The following MBNL1 variants were observed in gnomAD, a reference collection of about 807,000 sequenced individuals.
MBNL1 encodes muscleblind like splicing regulator 1.
MBNL1 carries 8 observed loss-of-function variants against 42.2 expected under a neutral mutation model. The ratio of observed to expected loss-of-function variants is 0.19; its 90% CI spans 0.11 to 0.34. The LOEUF (loss-of-function observed/expected upper bound fraction) is 0.34, where lower values mean the gene tolerates loss of function less well. Among genes scored for constraint, MBNL1 ranks in the 10% least tolerant of loss-of-function variants. MBNL1 has a pLI of 1.00. For missense variants in MBNL1, 309 were observed against 495.3 expected (o/e 0.62, Z 3.57); for synonymous variants, 169 against 173.9 (o/e 0.97, Z 0.22).
chr3:152,418,198 C>T (rs1440175023), intron 3 of MBNL1, among the ~76,000 whole-genome samples: 1 of 152,120 alleles, frequency 6.6e-6, no homozygotes, highest in Non-Finnish European at 1.5e-5. Context: ...TAATGTTACC[C>T]TAAATTTAGA....
chr3:152,418,630 AAGAGAGAG>A (rs770781244), intron 3 of MBNL1, among the ~76,000 whole-genome samples: 1 of 145,428 alleles, frequency 6.9e-6, no homozygotes, highest in South Asian at 2.2e-4. Context: ...AAAAAAAAAA[AAGAGAGAG>A]AGAGAGAGAG....
intron 2 of MBNL1, among the ~76,000 whole-genome samples, chr3:152,357,353 G>A (rs1322741867): frequency 6.6e-6 from 1 of 152,112 alleles, no homozygotes; most frequent in Non-Finnish European, 1.5e-5. Context: ...TTTTCTTATC[G>A]CTAAAACAAA....
rs1401757625 is a variant in MBNL1, at chr3:152,465,527, C to T, written c.*3161C>T. 1 of 152,616 alleles carries T rather than the reference C, an allele frequency of 6.6e-6. No individual in the cohort carries two copies. The highest frequency in any genetic ancestry group is 2.4e-5 in the African/African-American group (1 of 41,452). 9.5% of individuals were successfully genotyped at this position (152,616 alleles called of 1,614,324 possible). A position where few individuals can be genotyped will look rare whatever the true frequency, so the allele number is the denominator to read the frequency against. On this transcript the variant is annotated 3_prime_UTR_variant, in exon 10 of 10. Coordinates refer to ENST00000324210, the MANE Select transcript of MBNL1 (RefSeq NM_021038.5). ...TGTTTAAAAGAATTAGTGTATCCAG[C>T]CTTCACTCCAGCTGGTTAAAAATGT...
At chr3:152,267,934 C>G (rs1265303974), upstream of MBNL1, 1 of 152,212 alleles carries the variant, frequency 6.6e-6, no homozygotes, top group Non-Finnish European at 1.5e-5. Context: ...CATCCTTGAA[C>G]AAGTTATCCG....
chr3:152,300,142 G>C lies in MBNL1; in HGVS notation c.-52G>C. ...TTTGGTTGTTGCTCTTTTTTGGGGG[G>C]GTTGGGTTTGTTGGTTTCACTGAAA... On this transcript the variant is annotated 5_prime_UTR_variant, in exon 2 of 10. Coordinates refer to ENST00000324210, the MANE Select transcript of MBNL1 (RefSeq NM_021038.5). The C allele has an allele frequency of 8.0e-7, 1 of 1,246,486 alleles. No homozygotes were observed. Among genetic ancestry groups the C allele is most frequent in the Non-Finnish European group, 1.1e-6 (1 of 898,908 alleles). The allele number at this position is 1,246,486 out of a possible 1,614,324, so 77.2% of individuals were successfully genotyped here.
At chr3:152,268,808 A>G (rs1442041703), upstream of MBNL1, 10 of 444,158 alleles carry the variant, frequency 2.3e-5, no homozygotes, top group Non-Finnish European at 3.6e-5. Context: ...CGCCGCGTGC[A>G]TTAGGAGCTC....
chr3:152,245,650 C>T (rs902801633), intron 2 of MBNL1, among the ~76,000 whole-genome samples: 6 of 152,184 alleles, frequency 3.9e-5, no homozygotes, highest in African/African-American at 9.6e-5. Flanking sequence ...GTAAATGGTG[C>T]TGTTATTACT....
At chr3:152,305,261 C>G (rs2062465048) in intron 2 of MBNL1, among the ~76,000 whole-genome samples, 1 of 152,118 alleles carries the variant, frequency 6.6e-6, no homozygotes, top group Admixed American at 6.5e-5. Flanking sequence ...ATGCCCAGTT[C>G]AGGTGAAAGG....
At chr3:152,380,840 G>A (rs987125266) in intron 2 of MBNL1, among the ~76,000 whole-genome samples, 1 of 151,838 alleles carries the variant, frequency 6.6e-6, no homozygotes, top group African/African-American at 2.4e-5. Context: ...TCACATTTTT[G>A]TGGCACTACA....
intron 2 of MBNL1, among the ~76,000 whole-genome samples, chr3:152,329,709 A>T (rs953163599): frequency 6.8e-6 from 1 of 146,984 alleles, no homozygotes; most frequent in Non-Finnish European, 1.5e-5. Flanking sequence ...ATATATATAT[A>T]ATATATATGT....
chr3:152,288,945 A>G (rs1051456378), intron 1 of MBNL1, among the ~76,000 whole-genome samples: 4 of 152,234 alleles, frequency 2.6e-5, no homozygotes, highest in African/African-American at 9.6e-5. Flanking sequence ...ATTTCTATTT[A>G]TAGAAAAACA....
At chr3:152,290,214 A>C (rs1490405314) in intron 1 of MBNL1, among the ~76,000 whole-genome samples, 1 of 152,066 alleles carries the variant, frequency 6.6e-6, no homozygotes, top group African/African-American at 2.4e-5. Flanking sequence ...ACTGAGGGCA[A>C]TTATCACATT....
At chr3:152,304,466 C>CTAA (rs1269161856) in intron 2 of MBNL1, among the ~76,000 whole-genome samples, 3 of 152,178 alleles carry the variant, frequency 2.0e-5, no homozygotes, top group Non-Finnish European at 2.9e-5. Flanking sequence ...AAATTTTGAT[C>CTAA]TATTAGGGTC....
intron 3 of MBNL1, among the ~76,000 whole-genome samples, chr3:152,423,596 G>A (rs537366556): frequency 7.2e-5 from 11 of 152,104 alleles, no homozygotes; most frequent in Admixed American, 1.3e-4. Flanking sequence ...GGCCAGCATC[G>A]TCCTGATACC....
chr3:152,259,081 A>T, intron 2 of MBNL1, among the ~76,000 whole-genome samples: 1 of 152,246 alleles, frequency 6.6e-6, no homozygotes, highest in East Asian at 1.9e-4. Context: ...TAGAGAGTAC[A>T]ACTCCATAAA....
chr3:152,461,272 C>T (rs946617305), intron 9 of MBNL1, among the ~76,000 whole-genome samples: 6 of 152,122 alleles, frequency 3.9e-5, no homozygotes, highest in Admixed American at 6.5e-5. Flanking sequence ...ATGCTGCAAT[C>T]GTGAATTATT....
rs185095447 is a variant in MBNL1, at chr3:152,308,863, G to A, written c.174+8496G>A. ...TATCATAGGATATGGTCAAGAGACC[G>A]GTTGTAAAAACTCAGATGTGAGGAA... On this transcript the variant is annotated intron_variant, in intron 2 of 9. Coordinates refer to ENST00000324210, the MANE Select transcript of MBNL1 (RefSeq NM_021038.5). 1.9e-3 allele frequency among the ~76,000 whole-genome samples: 288 copies of A among 151,622 alleles called. 1 individual carries two copies. The highest frequency in any genetic ancestry group is 0.019 in the South Asian group (89 of 4,780).
At chr3:152,343,472 T>C (rs2152875588) in intron 2 of MBNL1, among the ~76,000 whole-genome samples, 1 of 152,262 alleles carries the variant, frequency 6.6e-6, no homozygotes, top group South Asian at 2.1e-4. Flanking sequence ...AATATTTATT[T>C]GCAACTTTAG....
intron 2 of MBNL1, among the ~76,000 whole-genome samples, chr3:152,407,537 GA>G (rs947611684): frequency 2.6e-5 from 4 of 152,110 alleles, no homozygotes; most frequent in African/African-American, 9.6e-5. Flanking sequence ...TTGATTTAAA[GA>G]ATAGTTTCTT....
Sources: allele counts gnomAD v4.1 joint callset (sites outside exome capture counted in the v4.1 genomes callset), GRCh38; gene constraint gnomAD v4.1.1; transcripts MANE v1.5; gene names NCBI Gene and HGNC (gene_info 2026-07-23, HGNC 2026-07-21).